Variants in ZFHX3 observed in about 807,000 individuals in gnomAD.
ZFHX3 encodes the protein zinc finger homeobox protein 3.
Under a neutral mutation model 279.1 loss-of-function variants are expected in ZFHX3, and 42 were observed. The observed-to-expected ratio is 0.15, with a 90% CI of 0.12 to 0.19. The LOEUF is 0.19. Ranked by LOEUF, ZFHX3 falls within the 10% of genes least tolerant of loss-of-function variation. The pLI is 1.00. For synonymous variants in ZFHX3, 2,293 were observed against 1,957.8 expected, an observed-to-expected ratio of 1.17 and a Z score of -4.52; for missense variants, 4,981 against 4,754.0, an observed-to-expected ratio of 1.05 and a Z score of -1.40.
intron 3 of ZFHX3, among the ~76,000 whole-genome samples, chr16:73,431,264 G>GCACT (rs2017905882): frequency 2.0e-5 from 3 of 151,842 alleles, no homozygotes; most frequent in African/African-American, 4.8e-5. Context: ...TGTCAGCCAG[G>GCACT]CACGGTGGCT....
intron 5 of ZFHX3, among the ~76,000 whole-genome samples, chr16:73,216,079 C>T (rs2012195634): frequency 1.3e-5 from 2 of 152,150 alleles, no homozygotes; most frequent in African/African-American, 4.8e-5. Flanking sequence ...TCAGCTGATT[C>T]CAGTCAAGCA....
intron 8 of ZFHX3, among the ~76,000 whole-genome samples, chr16:73,066,851 G>T (rs754516818): frequency 6.6e-6 from 1 of 152,162 alleles, no homozygotes; most frequent in Admixed American, 6.5e-5. Flanking sequence ...GTCTCTTTAG[G>T]GCCACAGATG....
intron 4 of ZFHX3, among the ~76,000 whole-genome samples, chr16:73,283,764 T>C (rs1245514637): frequency 6.6e-6 from 1 of 152,180 alleles, no homozygotes; most frequent in African/African-American, 2.4e-5. Context: ...GGCAACATAG[T>C]GAGACATTAT....
At chr16:73,191,839 C>G (rs990133960) in intron 5 of ZFHX3, among the ~76,000 whole-genome samples, 16 of 152,246 alleles carry the variant, frequency 1.1e-4, no homozygotes, top group African/African-American at 3.4e-4. Flanking sequence ...GCTGGCCTCT[C>G]TGGCTTGTAG....
At chr16:73,434,701 T>A (rs2017967355) in intron 3 of ZFHX3, among the ~76,000 whole-genome samples, 1 of 152,146 alleles carries the variant, frequency 6.6e-6, no homozygotes, top group Non-Finnish European at 1.5e-5. Context: ...TCTCAAGATG[T>A]GGAACAGTGG....
intron 4 of ZFHX3, among the ~76,000 whole-genome samples, chr16:73,303,676 G>A (rs997714318): frequency 6.6e-6 from 1 of 152,026 alleles, no homozygotes; most frequent in Non-Finnish European, 1.5e-5. Context: ...GACAATTTAG[G>A]TCCTAGCTGA....
chr16:73,732,865 C>G (rs2053579969), intron 1 of ZFHX3, among the ~76,000 whole-genome samples: 1 of 152,114 alleles, frequency 6.6e-6, no homozygotes, highest in Admixed American at 6.5e-5. Context: ...GTGTCATGAT[C>G]CATGCCTATA....
At chr16:73,368,072 C>T (rs1397142878) in intron 3 of ZFHX3, among the ~76,000 whole-genome samples, 1 of 151,912 alleles carries the variant, frequency 6.6e-6, no homozygotes, top group Admixed American at 6.6e-5. Flanking sequence ...GGTTTCACCA[C>T]GTTGGCCAGG....
intron 2 of ZFHX3, among the ~76,000 whole-genome samples, chr16:73,482,626 C>T (rs1354160431): frequency 1.3e-5 from 2 of 152,216 alleles, no homozygotes; most frequent in Non-Finnish European, 2.9e-5. Context: ...GCCACCTCCC[C>T]TCACTCATAG....
chr16:73,332,765 C>T (rs2015830612), intron 3 of ZFHX3, among the ~76,000 whole-genome samples: 1 of 152,156 alleles, frequency 6.6e-6, no homozygotes, highest in Non-Finnish European at 1.5e-5. Context: ...CCATGAAGAG[C>T]TCACAGAGCC....
At chr16:73,682,914 A>AAGAG (rs201079638) in intron 1 of ZFHX3, among the ~76,000 whole-genome samples, 1 of 47,570 alleles carries the variant, frequency 2.1e-5, no homozygotes, top group African/African-American at 8.5e-5. Flanking sequence ...AAGAGAAAGA[A>AAGAG]AGAGAGAAAG....
At chr16:73,589,890 G>A (rs765804404) in intron 2 of ZFHX3, among the ~76,000 whole-genome samples, 15 of 151,830 alleles carry the variant, frequency 9.9e-5, no homozygotes, top group Non-Finnish European at 1.9e-4. Context: ...CGCTAACTGT[G>A]TAACTAGTTG....
At position 72,797,726 on chromosome 16, in the gene ZFHX3, T is replaced by G. The variant is rs748349372; in HGVS notation, c.4956A>C (p.Pro1652=). ...TACTGCCACTGGTGCTCACAGGACT[T>G]GGCGTGGAGGAGCTCAAGGAAATAC... ...SSSISLSSST[P]SPVSTSGSNT... is the part of the protein sequence containing the mutation. The change falls in exon 9 of 10, where the codon CCA becomes CCC. Residue 1652 remains proline (P), a synonymous_variant. Transcript: ENST00000268489. 7 of 1,614,100 alleles carry G rather than the reference T, an allele frequency of 4.3e-6. No homozygotes were observed. Among genetic ancestry groups the G allele is most frequent in the Non-Finnish European group, 5.9e-6 (7 of 1,180,002 alleles).
At chr16:73,415,555 G>A (rs575205437) in intron 3 of ZFHX3, among the ~76,000 whole-genome samples, 1 of 152,324 alleles carries the variant, frequency 6.6e-6, no homozygotes, top group Admixed American at 6.5e-5. Context: ...AAATGGAGCT[G>A]CTTCCTCCTC....
At chr16:72,962,677 T>A (rs936614475) in intron 1 of ZFHX3, among the ~76,000 whole-genome samples, 1 of 152,162 alleles carries the variant, frequency 6.6e-6, no homozygotes, top group Admixed American at 6.5e-5. Context: ...TGTCTCCTCC[T>A]GCCCCATCAG....
At chr16:73,349,346 A>C (rs909801688) in intron 3 of ZFHX3, among the ~76,000 whole-genome samples, 2 of 152,188 alleles carry the variant, frequency 1.3e-5, no homozygotes, top group African/African-American at 4.8e-5. Context: ...CCTGATCAGA[A>C]GAATTACCTC....
intron 1 of ZFHX3, among the ~76,000 whole-genome samples, chr16:73,814,809 G>C (rs328342): frequency 0.33 from 50,814 of 151,772 alleles, 12,269 homozygotes; most frequent in African/African-American, 0.68. Context: ...CTTAGGTGAT[G>C]TGCCCACCTC....
At chr16:73,147,524 C>G (rs1966869618) in intron 5 of ZFHX3, among the ~76,000 whole-genome samples, 3 of 150,982 alleles carry the variant, frequency 2.0e-5, no homozygotes, top group Non-Finnish European at 4.4e-5. Flanking sequence ...AACCCCGTCT[C>G]TACTAAAAAT....
intron 2 of ZFHX3, among the ~76,000 whole-genome samples, chr16:73,492,190 C>T (rs543971640): frequency 6.6e-6 from 1 of 152,266 alleles, no homozygotes; most frequent in Admixed American, 6.5e-5. Flanking sequence ...ACCTCTTTCC[C>T]ACCTTCTTTA....
Sources: allele counts gnomAD v4.1 joint callset (sites outside exome capture counted in the v4.1 genomes callset), GRCh38; gene constraint gnomAD v4.1.1; transcripts MANE v1.5; gene names NCBI Gene and HGNC (gene_info 2026-07-23, HGNC 2026-07-21).